The following PRKN variants were observed in gnomAD, a reference collection of about 807,000 sequenced individuals.
PRKN encodes the protein parkin RBR E3 ubiquitin protein ligase, also known as E3 ubiquitin-protein ligase parkin.
Under a neutral mutation model 59.5 loss-of-function variants are expected in PRKN, and 56 were observed. The ratio of observed to expected loss-of-function variants is 0.94; its 90% CI spans 0.76 to 1.18. PRKN has a LOEUF of 1.18. PRKN is among the 50% of genes most tolerant of loss of function. The pLI is 0.00. For missense variants in PRKN, 657 were observed against 596.4 expected, an observed-to-expected ratio of 1.10 and a Z score of -1.06; for synonymous variants, 250 against 222.1, an observed-to-expected ratio of 1.13 and a Z score of -1.12.
At chr6:162,445,555 G>A (rs918431601) in intron 1 of PRKN, among the ~76,000 whole-genome samples, 28 of 151,518 alleles carry the variant, frequency 1.8e-4, no homozygotes, top group African/African-American at 6.5e-4. Flanking sequence ...AGCAGGGCGT[G>A]GTGGCGTGCA....
At chr6:162,090,656 A>G (rs1779450501) in intron 4 of PRKN, among the ~76,000 whole-genome samples, 1 of 152,248 alleles carries the variant, frequency 6.6e-6, no homozygotes, top group South Asian at 2.1e-4. Flanking sequence ...TAATTGCAAT[A>G]CACCGGGATA....
At chr6:162,091,638 G>T (rs1156605798) in intron 4 of PRKN, among the ~76,000 whole-genome samples, 1 of 152,180 alleles carries the variant, frequency 6.6e-6, no homozygotes, top group Admixed American at 6.5e-5. Flanking sequence ...ATACAGGGCA[G>T]ACAGGGTATT....
At chr6:162,719,950 A>G (rs1584113262) in intron 1 of PRKN, among the ~76,000 whole-genome samples, 1 of 151,994 alleles carries the variant, frequency 6.6e-6, no homozygotes, top group Non-Finnish European at 1.5e-5. Context: ...CACAGATATT[A>G]CAAATGTTCC....
chr6:161,875,235 C>T (rs1348044249), intron 6 of PRKN, among the ~76,000 whole-genome samples: 1 of 148,122 alleles, frequency 6.8e-6, no homozygotes. Context: ...CACTCTGTTT[C>T]CCAGGCTAGA....
At chr6:162,393,453 C>A (rs1490353605) in intron 2 of PRKN, among the ~76,000 whole-genome samples, 3 of 152,000 alleles carry the variant, frequency 2.0e-5, no homozygotes, top group African/African-American at 7.2e-5. Context: ...AGCCACCATA[C>A]CCGGCCGAGG....
chr6:162,249,072 G>A (rs1267393657), intron 3 of PRKN, among the ~76,000 whole-genome samples: 1 of 151,972 alleles, frequency 6.6e-6, no homozygotes, highest in Non-Finnish European at 1.5e-5. Flanking sequence ...TAGAGACGAG[G>A]TTTCACCATG....
intron 6 of PRKN, among the ~76,000 whole-genome samples, chr6:161,849,248 C>T (rs1049666542): frequency 3.3e-5 from 5 of 152,144 alleles, no homozygotes; most frequent in African/African-American, 1.2e-4. Context: ...GACGGACCCC[C>T]ACGCCTGGTC....
At chr6:161,900,062 G>T (rs933707005) in intron 6 of PRKN, among the ~76,000 whole-genome samples, 1 of 152,048 alleles carries the variant, frequency 6.6e-6, no homozygotes, top group Admixed American at 6.6e-5. Flanking sequence ...AGTGAGCTGA[G>T]ATCATGCCAC....
Position 161,447,065 on chromosome 6 carries a change from A to C in PRKN, c.1084-60188T>G, listed in dbSNP as rs1261278656. Among the ~76,000 whole-genome samples the C allele has an allele frequency of 6.6e-6, 1 of 152,214 alleles. No homozygotes were observed. Among genetic ancestry groups the C allele is most frequent in the Non-Finnish European group, 1.5e-5 (1 of 68,040 alleles). Reference sequence around the variant, plus strand: ...CTTCTTAATGATCTTTAAGGAAAGAAGTCAATACAAGGAAAATATCCTTTT... The same window carrying C: ...CTTCTTAATGATCTTTAAGGAAAGACGTCAATACAAGGAAAATATCCTTTT... On this transcript the variant is annotated intron_variant, in intron 9 of 11. Transcript: ENST00000366898. The surrounding 1 kb of genome is among the most constrained non-coding windows in gnomAD (Gnocchi z 4.1).
At chr6:162,108,358 C>A (rs185638308) in intron 4 of PRKN, among the ~76,000 whole-genome samples, 14 of 152,260 alleles carry the variant, frequency 9.2e-5, no homozygotes, top group Admixed American at 8.5e-4. Flanking sequence ...TAGGAATCAG[C>A]GCACTTCACT....
chr6:162,655,192 A>T (rs1210502798), intron 1 of PRKN, among the ~76,000 whole-genome samples: 1 of 152,176 alleles, frequency 6.6e-6, no homozygotes, highest in Non-Finnish European at 1.5e-5. Context: ...TTATGCTTTA[A>T]ATATATTATC....
Position 161,393,243 on chromosome 6 carries a change from G to GA in PRKN, c.1084-6367dup, listed in dbSNP as rs1166636309. 6.6e-6 allele frequency among the ~76,000 whole-genome samples: 1 copy of GA among 152,124 alleles called. No individual in the cohort carries two copies. The highest frequency in any genetic ancestry group is 1.5e-5 in the Non-Finnish European group (1 of 68,020). On this transcript the variant is annotated intron_variant, in intron 9 of 11. Transcript: ENST00000366898. The surrounding 1 kb of genome is among the most constrained non-coding windows in gnomAD (Gnocchi z 4.7). ...GTTTAACAAGTGGTAAGAGTCTGTA[G>GA]AAAAATAAGAGGGTAGTAAGCGCCT...
In PRKN at chr6:161,378,373, T is replaced by C. The variant is rs1409467398; in HGVS notation, c.1167+8421A>G. On this transcript the variant is annotated intron_variant, in intron 10 of 11. Coordinates refer to ENST00000366898, the MANE Select transcript of PRKN (RefSeq NM_004562.3). This position sits in a 1 kb window ranked among gnomAD's most constrained non-coding sequence, Gnocchi z 7.3. ...CCCCCAGCTCGGGCATCCCCCCATC[T>C]GCCACACCGCCAACATTCAACCTGC... 6.6e-6 allele frequency among the ~76,000 whole-genome samples: 1 copy of C among 152,176 alleles called. No homozygotes were observed. The highest frequency in any genetic ancestry group is 1.5e-5 in the Non-Finnish European group (1 of 68,026).
rs1790448646 is a variant in PRKN at position 161,787,051 on chromosome 6, T to C, written c.735-1143A>G. Among the ~76,000 whole-genome samples the C allele has an allele frequency of 2.0e-5, 3 of 152,172 alleles. No homozygotes were observed. In the South Asian group the frequency reaches 6.2e-4, roughly 32 times the overall value. On this transcript the variant is annotated intron_variant, in intron 6 of 11. Transcript: ENST00000366898. ...ATAGTAAGAAAGTTATTGGAGTCTA[T>C]TTAGATAAGCCTATTTCCTATGTAA...
At chr6:162,715,091 G>A (rs1778672997) in intron 1 of PRKN, among the ~76,000 whole-genome samples, 1 of 152,160 alleles carries the variant, frequency 6.6e-6, no homozygotes, top group African/African-American at 2.4e-5. Flanking sequence ...CCAAAGTCAA[G>A]GCATATAGTT....
chr6:162,491,949 T>C (rs749803092), intron 1 of PRKN, among the ~76,000 whole-genome samples: 7 of 152,206 alleles, frequency 4.6e-5, no homozygotes, highest in African/African-American at 9.6e-5. Flanking sequence ...CTGTGATACC[T>C]GGACTGAGTA....
At chr6:161,443,416 G>A (rs12205669) in intron 9 of PRKN, among the ~76,000 whole-genome samples, 21,417 of 152,084 alleles carry the variant, frequency 0.14, 1,753 homozygotes, top group African/African-American at 0.21. Flanking sequence ...GGGAACTGGC[G>A]TGCATTGCCT....
intron 2 of PRKN, among the ~76,000 whole-genome samples, chr6:162,278,731 C>T (rs1013112742): frequency 3.9e-5 from 6 of 152,080 alleles, no homozygotes; most frequent in African/African-American, 1.2e-4. Context: ...CACATTACAG[C>T]GGCTACACAG....
chr6:162,130,753 AC>A (rs1781319159), intron 4 of PRKN, among the ~76,000 whole-genome samples: 1 of 152,166 alleles, frequency 6.6e-6, no homozygotes, highest in Admixed American at 6.6e-5. Flanking sequence ...TAGGTTTACC[AC>A]TCACTTGCTG....
Sources: allele counts gnomAD v4.1 joint callset (sites outside exome capture counted in the v4.1 genomes callset), GRCh38; gene constraint gnomAD v4.1.1; non-coding constraint Gnocchi (gnomAD v3.1); transcripts MANE v1.5; gene names NCBI Gene and HGNC (gene_info 2026-07-23, HGNC 2026-07-21).